Variants in SLC9A9 observed in about 807,000 individuals in gnomAD.
The protein encoded by SLC9A9 is sodium/hydrogen exchanger 9.
SLC9A9 carries 62 observed loss-of-function variants against 77.8 expected under a neutral mutation model. The observed-to-expected ratio is 0.80, with a 90% confidence interval of 0.65 to 0.98. SLC9A9 has a LOEUF of 0.98. SLC9A9 is among the 50% of genes least tolerant of loss of function. SLC9A9 has a pLI of 0.00. For synonymous variants in SLC9A9, 320 were observed against 283.5 expected (o/e 1.13, Z -1.29); for missense variants, 775 against 774.9 (o/e 1.00, Z 0.00).
At chr3:143,738,596 G>A (rs1454724689) in intron 4 of SLC9A9, among the ~76,000 whole-genome samples, 1 of 151,958 alleles carries the variant, frequency 6.6e-6, no homozygotes, top group African/African-American at 2.4e-5. Context: ...ATTCAATTCT[G>A]GTACTATCTA....
chr3:143,839,488 C>G (rs115921326), intron 1 of SLC9A9, among the ~76,000 whole-genome samples: 1 of 98,246 alleles, frequency 1.0e-5, no homozygotes, highest in Non-Finnish European at 2.0e-5. Context: ...TGGTTCCCAA[C>G]AAACAACACA....
At chr3:143,658,963 T>C (rs939050582) in intron 5 of SLC9A9, among the ~76,000 whole-genome samples, 3 of 152,212 alleles carry the variant, frequency 2.0e-5, no homozygotes, top group Non-Finnish European at 2.9e-5. Flanking sequence ...ATCAGAGATA[T>C]TCTAAATTTA....
intron 2 of SLC9A9, among the ~76,000 whole-genome samples, chr3:143,805,730 C>T (rs1344426676): frequency 3.3e-5 from 5 of 152,098 alleles, no homozygotes; most frequent in African/African-American, 7.2e-5. Flanking sequence ...TTGTGTACCC[C>T]GCTCCTGCCT....
intron 9 of SLC9A9, among the ~76,000 whole-genome samples, chr3:143,514,212 C>CT (rs34218404): frequency 0.013 from 1,940 of 146,352 alleles, 12 homozygotes; most frequent in Non-Finnish European, 0.021. Flanking sequence ...TGAAAGGAAC[C>CT]TTTTTTTTTT....
At chr3:143,708,677 A>T (rs1934059599) in intron 4 of SLC9A9, among the ~76,000 whole-genome samples, 1 of 152,162 alleles carries the variant, frequency 6.6e-6, no homozygotes, top group Admixed American at 6.6e-5. Context: ...TTAGAAGATG[A>T]TTCTCAGAAT....
chr3:143,620,908 C>G (rs548421382), intron 6 of SLC9A9, among the ~76,000 whole-genome samples: 1 of 152,176 alleles, frequency 6.6e-6, no homozygotes, highest in Non-Finnish European at 1.5e-5. Context: ...AATCGGGTCA[C>G]TCCCACCCTA....
intron 6 of SLC9A9, among the ~76,000 whole-genome samples, chr3:143,642,041 T>G (rs2108739416): frequency 6.6e-6 from 1 of 152,346 alleles, no homozygotes; most frequent in African/African-American, 2.4e-5. Flanking sequence ...CTATTTCTAC[T>G]CAATAATATT....
At chr3:143,658,975 C>T (rs1243793912) in intron 5 of SLC9A9, among the ~76,000 whole-genome samples, 1 of 152,142 alleles carries the variant, frequency 6.6e-6, no homozygotes, top group Non-Finnish European at 1.5e-5. Flanking sequence ...CTAAATTTAA[C>T]ATTAGCAAAG....
chr3:143,690,496 A>G (rs1009274711), intron 5 of SLC9A9, among the ~76,000 whole-genome samples: 1 of 152,176 alleles, frequency 6.6e-6, no homozygotes, highest in African/African-American at 2.4e-5. Context: ...GGGGTGCAGG[A>G]AATACACAAG....
intron 13 of SLC9A9, among the ~76,000 whole-genome samples, chr3:143,365,344 A>C (rs1458504454): frequency 1.3e-5 from 2 of 152,190 alleles, no homozygotes; most frequent in Non-Finnish European, 2.9e-5. Flanking sequence ...GGGAGATGAA[A>C]CAATCTATAT....
intron 2 of SLC9A9, among the ~76,000 whole-genome samples, chr3:143,810,235 T>C (rs981911903): frequency 3.3e-5 from 5 of 152,200 alleles, no homozygotes; most frequent in African/African-American, 1.2e-4. Context: ...AAAGGATATG[T>C]ACCAAGTTAA....
intron 8 of SLC9A9, among the ~76,000 whole-genome samples, chr3:143,554,759 A>G (rs1311529142): frequency 6.6e-6 from 1 of 151,954 alleles, no homozygotes; most frequent in Non-Finnish European, 1.5e-5. Context: ...ACCTTTCAAT[A>G]TCCTCTCTAA....
chr3:143,580,158 G>T (rs111919628), intron 6 of SLC9A9, among the ~76,000 whole-genome samples: 16 of 152,284 alleles, frequency 1.1e-4, no homozygotes, highest in Admixed American at 2.0e-4. Context: ...CCTGGGAAAA[G>T]GTATAAAACT....
chr3:143,372,874 T>A (rs1457631585), intron 13 of SLC9A9, among the ~76,000 whole-genome samples: 1 of 152,136 alleles, frequency 6.6e-6, no homozygotes, highest in Non-Finnish European at 1.5e-5. Context: ...TTACTATTCA[T>A]CAGGGAAATG....
chr3:143,305,259 C>G (rs1016387278), intron 14 of SLC9A9, among the ~76,000 whole-genome samples: 1 of 152,178 alleles, frequency 6.6e-6, no homozygotes, highest in Non-Finnish European at 1.5e-5. Flanking sequence ...GTTCCCTCCT[C>G]TTAACCCCCT....
chr3:143,690,221 T>C (rs1263135155), intron 5 of SLC9A9, among the ~76,000 whole-genome samples: 1 of 151,966 alleles, frequency 6.6e-6, no homozygotes, highest in Non-Finnish European at 1.5e-5. Flanking sequence ...AGTAGGAAAT[T>C]ATATTAATGT....
chr3:143,533,945 A>G (rs2036552201), intron 9 of SLC9A9, among the ~76,000 whole-genome samples: 1 of 152,240 alleles, frequency 6.6e-6, no homozygotes, highest in African/African-American at 2.4e-5. Context: ...AAATTGAGTC[A>G]TATCTTGCAA....
chr3:143,676,345 C>G (rs1409961413), intron 5 of SLC9A9, among the ~76,000 whole-genome samples: 1 of 152,156 alleles, frequency 6.6e-6, no homozygotes, highest in Non-Finnish European at 1.5e-5. Context: ...TACACACACA[C>G]TTGTAACAAT....
chr3:143,459,507 A>C (rs1050957467), intron 12 of SLC9A9, among the ~76,000 whole-genome samples: 1 of 152,014 alleles, frequency 6.6e-6, no homozygotes, highest in South Asian at 2.1e-4. Context: ...AAGTCTTTGC[A>C]GTTGTCTTTA....
Sources: gnomAD v4.1 joint callset for allele counts (sites outside exome capture counted in the v4.1 genomes callset) on GRCh38, gnomAD v4.1.1 for gene constraint, MANE v1.5 for transcripts, NCBI Gene and HGNC (gene_info 2026-07-23, HGNC 2026-07-21) for gene names.